MBTPS1: variants seen among roughly 807,000 people sequenced by gnomAD.
MBTPS1 encodes the protein membrane-bound transcription factor site-1 protease.
A neutral mutation model predicts 127.8 loss-of-function variants in MBTPS1; 94 were observed. That is an observed-to-expected ratio of 0.74 (90% confidence interval 0.62 to 0.87). MBTPS1 has a LOEUF of 0.87. Ranked by LOEUF, MBTPS1 falls within the 40% of genes least tolerant of loss-of-function variation. The pLI is 0.00. For synonymous variants in MBTPS1, 632 were observed against 509.4 expected, an observed-to-expected ratio of 1.24 and a Z score of -3.24; for missense variants, 1,636 against 1,353.2, an observed-to-expected ratio of 1.21 and a Z score of -3.28.
intron 11 of MBTPS1, chr16:84,075,506 T>C (rs1316916792): frequency 1.4e-5 from 2 of 138,306 alleles, no homozygotes; most frequent in African/African-American, 5.5e-5. Flanking sequence ...GACAAATGTT[T>C]CAGACAAGAC....
chr16:84,085,220 G>C (rs2086003142), intron 9 of MBTPS1, 86 bp from the exon 10 acceptor site: 1 of 1,328,254 alleles, frequency 7.5e-7, no homozygotes. Context: ...TCAGAACAGA[G>C]ATATGGGTTA....
At chr16:84,079,133 C>T (rs1285307950) in intron 11 of MBTPS1, among the ~76,000 whole-genome samples, 3 of 152,212 alleles carry the variant, frequency 2.0e-5, no homozygotes, top group African/African-American at 7.2e-5. Context: ...CGCTCTCTTG[C>T]TCCCTCTCTT....
chr16:84,091,486 C>CAAA (rs10714716), intron 7 of MBTPS1, among the ~76,000 whole-genome samples: 3 of 85,644 alleles, frequency 3.5e-5, no homozygotes, highest in African/African-American at 4.7e-5. Flanking sequence ...AACTCCATCT[C>CAAA]AAAAAAAAAA....
chr16:84,115,054 G>A (rs977434611), intron 1 of MBTPS1, among the ~76,000 whole-genome samples: 2 of 151,800 alleles, frequency 1.3e-5, no homozygotes, highest in Admixed American at 6.6e-5. Flanking sequence ...TCAGCCTCCC[G>A]AGTAGCTGGG....
chr16:84,111,689 G>A (rs2151175438), intron 1 of MBTPS1, among the ~76,000 whole-genome samples: 1 of 152,302 alleles, frequency 6.6e-6, no homozygotes, highest in Middle Eastern at 3.4e-3. Context: ...AGACAACCCT[G>A]CTGAAACTTT....
At chr16:84,056,195 G>T (rs1262055968) in intron 21 of MBTPS1, 60 bp from the exon 22 acceptor site, 3 of 1,424,796 alleles carry the variant, frequency 2.1e-6, no homozygotes, top group Non-Finnish European at 2.9e-6. Flanking sequence ...CTAGGTACTA[G>T]TCTAGGAAGT....
intron 1 of MBTPS1, among the ~76,000 whole-genome samples, chr16:84,105,721 G>A (rs982398717): frequency 1.3e-5 from 2 of 152,076 alleles, no homozygotes; most frequent in African/African-American, 2.4e-5. Context: ...GCCAACAGCC[G>A]GAAATACGGA....
intron 4 of MBTPS1, among the ~76,000 whole-genome samples, chr16:84,095,243 C>A (rs1047025765): frequency 3.3e-5 from 5 of 152,214 alleles, no homozygotes; most frequent in Non-Finnish European, 7.3e-5. Context: ...GCAGGCCTGT[C>A]GGTCAGCGCC....
At chr16:84,069,783 T>C (rs747119296) in intron 14 of MBTPS1, 83 bp downstream of exon 14, 9 of 1,296,034 alleles carry the variant, frequency 6.9e-6, no homozygotes, top group African/African-American at 1.5e-5. Context: ...CTGAGCAACA[T>C]CTTTCCAAGA....
chr16:84,099,264 A>G lies in MBTPS1; in HGVS notation c.210T>C (p.Asn70=). 6.2e-7 allele frequency: 1 copy of G among 1,614,150 alleles called. No individual in the cohort carries two copies. Among genetic ancestry groups the G allele is most frequent in the Non-Finnish European group, 8.5e-7 (1 of 1,180,002 alleles). Residue 70 remains asparagine (N), a synonymous_variant, in exon 3 of 23, where the codon AAT becomes AAC. Coordinates refer to ENST00000343411, the MANE Select transcript of MBTPS1 (RefSeq NM_003791.4). ...TCTTCAGGGCACTTGAAATAAATGA[A>G]TTTCTAGCTTTGGCTGTAAAGTATC... ...FNGYFTAKAR[N]SFISSALKSS... is the part of the protein sequence containing the mutation.
intron 12 of MBTPS1, chr16:84,071,905 T>C (rs1269240571): frequency 6.6e-6 from 1 of 151,844 alleles, no homozygotes; most frequent in East Asian, 1.9e-4. Context: ...AGGAGAAAAA[T>C]GGGCCAACGA....
chr16:84,094,107 G>A (rs1418495970), intron 4 of MBTPS1, among the ~76,000 whole-genome samples: 1 of 151,936 alleles, frequency 6.6e-6, no homozygotes, highest in Non-Finnish European at 1.5e-5. Flanking sequence ...CAGCACTCAG[G>A]ATAGAACCAC....
Position 84,074,729 on chromosome 16 carries a change from G to C in MBTPS1, c.1461C>G (p.Ser487Arg). ...SYKPQASLSP[S>R]YIDLTECPYM... ...AGGGACACTCAGTCAGATCTATGTA[G>C]CTGGGGCTCAAACTGAAATAAAGAA... The change falls in exon 12 of 23, where the codon AGC (serine) becomes AGG (arginine). Residue 487 changes from serine (S) to arginine (R), a missense_variant. Ser to Arg is a moderately radical substitution (Grantham distance 110). Transcript: ENST00000343411. The C allele has an allele frequency of 6.2e-7, 1 of 1,613,194 alleles. No individual in the cohort carries two copies. Among genetic ancestry groups the C allele is most frequent in the South Asian group, 1.1e-5 (1 of 90,930 alleles).
At chr16:84,069,141 T>C (rs779870635) in intron 14 of MBTPS1, among the ~76,000 whole-genome samples, 8 of 152,254 alleles carry the variant, frequency 5.3e-5, no homozygotes, top group Non-Finnish European at 1.2e-4. Flanking sequence ...ACTCTGTAAC[T>C]ATCCTGGTCA....
chr16:84,095,195 A>C (rs1040312381), intron 4 of MBTPS1, among the ~76,000 whole-genome samples: 1 of 152,370 alleles, frequency 6.6e-6, no homozygotes, highest in South Asian at 2.1e-4. Flanking sequence ...AATTGCCCAG[A>C]TCAGGGACCA....
Position 84,054,373 on chromosome 16 carries a change from C to T in MBTPS1, c.*76G>A. 7.4e-7 allele frequency: 1 copy of T among 1,359,280 alleles called. No individual in the cohort carries two copies. The highest frequency in any genetic ancestry group is 9.9e-7 in the Non-Finnish European group (1 of 1,013,882). The allele number at this position is 1,359,280 out of a possible 1,614,324, so 84.2% of individuals were successfully genotyped here. A position where few individuals can be genotyped will look rare whatever the true frequency, so the allele number is the denominator to read the frequency against. On this transcript the variant is annotated 3_prime_UTR_variant, in exon 23 of 23. Transcript: ENST00000343411. Reference sequence around the variant, plus strand: ...AACTGGATCCCTTTTAAACCAGCCGCCACCACAGCTCGGCTCACCCACCAG... The same window carrying T: ...AACTGGATCCCTTTTAAACCAGCCGTCACCACAGCTCGGCTCACCCACCAG...
chr16:84,059,661 T>A, intron 20 of MBTPS1: 2 of 402,478 alleles, frequency 5.0e-6, no homozygotes, highest in Non-Finnish European at 9.2e-6. Flanking sequence ...ACCGTTCCCT[T>A]GAAGATGGGC....
At chr16:84,104,558 A>G (rs2086298269) in intron 1 of MBTPS1, among the ~76,000 whole-genome samples, 1 of 152,216 alleles carries the variant, frequency 6.6e-6, no homozygotes, top group African/African-American at 2.4e-5. Context: ...ATATAACACA[A>G]ATATAATTAA....
intron 6 of MBTPS1, among the ~76,000 whole-genome samples, chr16:84,092,411 G>A (rs1183703641): frequency 6.6e-6 from 1 of 152,122 alleles, no homozygotes. Context: ...GTTTATGGTA[G>A]GAAGAGAAGC....
Sources: allele counts gnomAD v4.1 joint callset (sites outside exome capture counted in the v4.1 genomes callset), GRCh38; gene constraint gnomAD v4.1.1; transcripts MANE v1.5; gene names NCBI Gene and HGNC (gene_info 2026-07-23, HGNC 2026-07-21).